Variants in NOSTRIN observed in about 807,000 individuals in gnomAD.
The protein encoded by NOSTRIN is nitric oxide synthase trafficking.
A neutral mutation model predicts 59.0 loss-of-function variants in NOSTRIN; 63 were observed. The observed-to-expected ratio is 1.07, with a 90% CI of 0.87 to 1.32. The LOEUF (loss-of-function observed/expected upper bound fraction) is 1.32, where lower values mean the gene tolerates loss of function less well. Among genes scored for constraint, NOSTRIN ranks in the 40% most tolerant of loss-of-function variants. The pLI, the probability that NOSTRIN is intolerant of heterozygous loss-of-function variation, is 0.00. For missense variants in NOSTRIN, 512 were observed against 473.1 expected (o/e 1.08, Z -0.76); for synonymous variants, 200 against 165.4 (o/e 1.21, Z -1.61).
At chr2:168,858,331 G>A (rs555985968) in intron 12 of NOSTRIN, among the ~76,000 whole-genome samples, 4 of 152,158 alleles carry the variant, frequency 2.6e-5, no homozygotes, top group Non-Finnish European at 4.4e-5. Context: ...ATTTCATTAC[G>A]CATGCTCTGC....
chr2:168,851,497 T>G (rs534132161), intron 10 of NOSTRIN, 93 bp downstream of exon 10: 3 of 1,495,708 alleles, frequency 2.0e-6, no homozygotes, highest in Non-Finnish European at 2.7e-6. Flanking sequence ...AATATCATGT[T>G]TTATCAATGA....
At chr2:168,836,824 A>G (rs1687747646) in intron 7 of NOSTRIN, among the ~76,000 whole-genome samples, 1 of 152,182 alleles carries the variant, frequency 6.6e-6, no homozygotes, top group Non-Finnish European at 1.5e-5. Flanking sequence ...TCTCTTGATT[A>G]TCCCATATTT....
Position 168,840,580 on chromosome 2 carries a change from C to T in NOSTRIN, c.505-2412C>T, listed in dbSNP as rs1048508729. On this transcript the variant is annotated intron_variant, in intron 7 of 15. Coordinates refer to ENST00000317647, the MANE Select transcript of NOSTRIN (RefSeq NM_001039724.4). ...AAAAACAGATATGTCCTGTGTAGGT[C>T]ATGCATCAGAGCTGGGGGACAGTTG... Among the ~76,000 whole-genome samples, 70 of 149,658 alleles carry T rather than the reference C, an allele frequency of 4.7e-4. 1 individual carries two copies. Among genetic ancestry groups the T allele is most frequent in the Non-Finnish European group, 3.6e-4 (24 of 67,582 alleles).
At chr2:168,826,362 C>A (rs994639625) in intron 3 of NOSTRIN, among the ~76,000 whole-genome samples, 1 of 152,206 alleles carries the variant, frequency 6.6e-6, no homozygotes. Flanking sequence ...TTATCCATAC[C>A]GAAATCTGTG....
Position 168,860,837 on chromosome 2 carries a change from A to T in NOSTRIN, c.1222A>T (p.Met408Leu), listed in dbSNP as rs747499463. 6.2e-7 allele frequency: 1 copy of T among 1,614,014 alleles called. No individual in the cohort carries two copies. The highest frequency in any genetic ancestry group is 1.1e-5 in the South Asian group (1 of 91,074). ...TGTGAAAATATCTCGGCCTTTTTTA[A>T]TGAAGAGATTAGAGAATATTGTGAG... Reference protein sequence around the residue: ...SYVKISRPFLMKRLENIVSKA... With the variant: ...SYVKISRPFLLKRLENIVSKA... Residue 408 changes from methionine (M) to leucine (L), a missense_variant, in exon 14 of 16, where the codon ATG becomes TTG. By Grantham distance (15) the Met-to-Leu change is conservative (BLOSUM62 2). Transcript: ENST00000317647.
chr2:168,787,411 G>A (rs749280116), intron 1 of NOSTRIN, among the ~76,000 whole-genome samples: 3 of 152,012 alleles, frequency 2.0e-5, no homozygotes, highest in East Asian at 3.9e-4. Context: ...TCTTCATGTC[G>A]CTAACTCTTA....
At chr2:168,819,728 G>A (rs1686620737) in intron 2 of NOSTRIN, among the ~76,000 whole-genome samples, 1 of 152,198 alleles carries the variant, frequency 6.6e-6, no homozygotes, top group Non-Finnish European at 1.5e-5. Context: ...TTGCTTGGTT[G>A]ATTTGAATGC....
At position 168,864,916 on chromosome 2, in the gene NOSTRIN, C is replaced by T. The variant is rs771745688; in HGVS notation, c.1467C>T (p.Ala489=). 3.6e-5 allele frequency: 58 copies of T among 1,613,872 alleles called. No homozygotes were observed. The highest frequency in any genetic ancestry group is 8.9e-5 in the East Asian group (4 of 44,880). The part of the protein sequence containing the change: ...SLNGKKGHFP[A]AYVEELPSNA... ...ATGGGAAAAAAGGCCATTTTCCTGC[C>T]GCTTATGTGGAGGAGTTACCTTCAA... is the stretch of plus-strand genomic sequence containing the variant. Residue 489 remains alanine (A), a synonymous_variant, in exon 16 of 16, where the codon GCC becomes GCT. Coordinates refer to ENST00000317647, the MANE Select transcript of NOSTRIN (RefSeq NM_001039724.4).
chr2:168,823,300 GCCA>G (rs2105605625), intron 2 of NOSTRIN, among the ~76,000 whole-genome samples: 1 of 152,332 alleles, frequency 6.6e-6, no homozygotes, highest in East Asian at 1.9e-4. Flanking sequence ...ACAGGCGTGA[GCCA>G]CCGCGCCCGG....
In NOSTRIN at chr2:168,851,283, A is replaced by G; in HGVS notation, c.734A>G (p.His245Arg). 2 of 1,613,866 alleles carry G rather than the reference A, an allele frequency of 1.2e-6. No individual in the cohort carries two copies. Among genetic ancestry groups the G allele is most frequent in the African/African-American group, 1.3e-5 (1 of 75,034 alleles). Reference sequence around the variant, plus strand: ...CTGTTCCCCTTGGCATTGCAGTGCCACACGCAGATTCACTGTGCCATCAGC... The same window carrying G: ...CTGTTCCCCTTGGCATTGCAGTGCCGCACGCAGATTCACTGTGCCATCAGC... Reference protein sequence around the residue: ...SLFGQTLTTCHTQIHCAISKI... With the variant: ...SLFGQTLTTCRTQIHCAISKI... The change falls in exon 10 of 16, where the codon CAC becomes CGC. Residue 245 changes from histidine to arginine, a missense_variant. Physicochemically the swap from His to Arg is conservative, Grantham distance 29. Coordinates refer to ENST00000317647, the MANE Select transcript of NOSTRIN (RefSeq NM_001039724.4).
At chr2:168,790,246 G>T (rs1685313493) in intron 2 of NOSTRIN, among the ~76,000 whole-genome samples, 1 of 152,132 alleles carries the variant, frequency 6.6e-6, no homozygotes, top group Non-Finnish European at 1.5e-5. Context: ...AAATTATAAT[G>T]CATTGAATAA....
Position 168,828,513 on chromosome 2 carries a change from C to T in NOSTRIN, c.342+12C>T, listed in dbSNP as rs1260469102. On this transcript the variant is annotated intron_variant, in intron 5 of 15. Coordinates refer to ENST00000317647, the MANE Select transcript of NOSTRIN (RefSeq NM_001039724.4). ...AGAAGAGAAAATCAGTGAGTCCAAACCTTTCTTTACTCTTCCTGTTTAAAG... is the reference window on the plus strand; with the variant it reads ...AGAAGAGAAAATCAGTGAGTCCAAATCTTTCTTTACTCTTCCTGTTTAAAG... The T allele has an allele frequency of 3.5e-6, 3 of 849,666 alleles. No individual in the cohort carries two copies. The highest frequency in any genetic ancestry group is 1.7e-5 in the African/African-American group (1 of 60,076). The allele number at this position is 849,666 out of a possible 1,614,324, so 52.6% of individuals were successfully genotyped here. A position where few individuals can be genotyped will look rare whatever the true frequency, so the allele number is the denominator to read the frequency against.
At chr2:168,824,509 G>A (rs1686943040) in intron 2 of NOSTRIN, 125 bp from the exon 3 acceptor site, 2 of 599,264 alleles carry the variant, frequency 3.3e-6, no homozygotes, top group Non-Finnish European at 6.2e-6. Flanking sequence ...ATGTTGGCCA[G>A]GCTGGTCTTG....
chr2:168,850,303 A>G (rs867091019), intron 8 of NOSTRIN, among the ~76,000 whole-genome samples: 20 of 152,288 alleles, frequency 1.3e-4, no homozygotes, highest in Middle Eastern at 3.4e-3. Flanking sequence ...CTAATAATGA[A>G]ACTTCTGTCA....
chr2:168,824,610 A>G lies in NOSTRIN; in HGVS notation c.114-24A>G, dbSNP rs141554484. 3.7e-4 allele frequency: 321 copies of G among 870,034 alleles called. No individual in the cohort carries two copies. In the African/African-American group the frequency reaches 4.6e-3, roughly 13 times the overall value. 53.9% of individuals were successfully genotyped at this position (870,034 alleles called of 1,614,324 possible). ...CACTGTGCCCAGCCCAGTACATCCT[A>G]TTTAACTAGTCCTTTTCTAACAGGG... On this transcript the variant is annotated intron_variant, in intron 2 of 15. Coordinates refer to ENST00000317647, the MANE Select transcript of NOSTRIN (RefSeq NM_001039724.4).
chr2:168,837,615 T>C (rs1201171180), intron 7 of NOSTRIN, among the ~76,000 whole-genome samples: 2 of 152,084 alleles, frequency 1.3e-5, no homozygotes, highest in African/African-American at 4.8e-5. Context: ...GGTCACAATA[T>C]ATCTTAGTGA....
chr2:168,805,498 C>T (rs1685801171), intron 1 of NOSTRIN, among the ~76,000 whole-genome samples: 1 of 152,208 alleles, frequency 6.6e-6, no homozygotes, highest in Admixed American at 6.5e-5. Flanking sequence ...CCAATTATCT[C>T]TAAGGGAAAG....
At chr2:168,837,607 T>C (rs954468018) in intron 7 of NOSTRIN, among the ~76,000 whole-genome samples, 2 of 151,884 alleles carry the variant, frequency 1.3e-5, no homozygotes, top group Admixed American at 1.3e-4. Flanking sequence ...CCGCGCCCGG[T>C]CACAATATAT....
upstream of NOSTRIN, among the ~76,000 whole-genome samples, chr2:168,801,481 C>T (rs1685613658): frequency 6.6e-6 from 1 of 152,104 alleles, no homozygotes. Flanking sequence ...GCTCGGCCTC[C>T]CAAAGTGCTT....
Sources: gnomAD v4.1 joint callset for allele counts (sites outside exome capture counted in the v4.1 genomes callset) on GRCh38, gnomAD v4.1.1 for gene constraint, MANE v1.5 for transcripts, NCBI Gene and HGNC (gene_info 2026-07-23, HGNC 2026-07-21) for gene names.